STAU2: variants seen among roughly 807,000 people sequenced by gnomAD.
STAU2 encodes staufen double-stranded RNA binding protein 2.
In STAU2, 20 loss-of-function variants were observed where a neutral mutation model predicts 65.9. The ratio of observed to expected loss-of-function variants is 0.30; its 90% CI spans 0.21 to 0.44. STAU2 has a LOEUF of 0.44. STAU2 is among the 20% of genes least tolerant of loss of function. STAU2 has a pLI of 1.00. For missense variants in STAU2, 558 were observed against 683.9 expected, an observed-to-expected ratio of 0.82 and a Z score of 2.05; for synonymous variants, 232 against 233.9, an observed-to-expected ratio of 0.99 and a Z score of 0.07.
At chr8:73,645,176 A>AT (rs1163044652) in intron 6 of STAU2, among the ~76,000 whole-genome samples, 1 of 152,202 alleles carries the variant, frequency 6.6e-6, no homozygotes, top group African/African-American at 2.4e-5. Context: ...CCATGACTAT[A>AT]GAGACAAAAA....
chr8:73,489,982 G>T (rs1256743164), intron 13 of STAU2, among the ~76,000 whole-genome samples: 1 of 152,014 alleles, frequency 6.6e-6, no homozygotes, highest in Admixed American at 6.6e-5. Flanking sequence ...AATCTTCTCA[G>T]AAAGACATCT....
chr8:73,583,944 CGGTCAAA>C (rs1291055669), intron 11 of STAU2, among the ~76,000 whole-genome samples: 2 of 152,012 alleles, frequency 1.3e-5, no homozygotes, highest in Non-Finnish European at 2.9e-5. Flanking sequence ...TTTATGTTAA[CGGTCAAA>C]GGTCAAATAG....
At chr8:73,432,999 T>C (rs1456657115) in intron 13 of STAU2, among the ~76,000 whole-genome samples, 1 of 152,138 alleles carries the variant, frequency 6.6e-6, no homozygotes, top group Non-Finnish European at 1.5e-5. Context: ...TGCCTTTATT[T>C]CTGCAGTCAA....
At chr8:73,615,817 G>T in intron 7 of STAU2, 35 bp from the exon 8 acceptor site, 1 of 1,485,528 alleles carries the variant, frequency 6.7e-7, no homozygotes, top group South Asian at 1.1e-5. Flanking sequence ...ACTGAATCTT[G>T]ACATTATAAC....
At chr8:73,435,469 G>T (rs1180665460) in intron 13 of STAU2, among the ~76,000 whole-genome samples, 1 of 151,894 alleles carries the variant, frequency 6.6e-6, no homozygotes, top group Admixed American at 6.5e-5. Context: ...TCTGTTCTCA[G>T]AGCCAGCATC....
intron 5 of STAU2, among the ~76,000 whole-genome samples, chr8:73,683,188 G>A (rs914771775): frequency 2.0e-5 from 3 of 152,108 alleles, no homozygotes; most frequent in African/African-American, 7.2e-5. Flanking sequence ...CAATATCCCT[G>A]ATGAACATAG....
chr8:73,620,692 A>C (rs1015532234), intron 6 of STAU2, among the ~76,000 whole-genome samples: 1 of 152,224 alleles, frequency 6.6e-6, no homozygotes, highest in African/African-American at 2.4e-5. Flanking sequence ...AGGAAAAATT[A>C]AGTATGTTGC....
At chr8:73,550,795 T>C (rs1378867423) in intron 13 of STAU2, 1 of 987,254 alleles carries the variant, frequency 1.0e-6, no homozygotes, top group African/African-American at 1.7e-5. Flanking sequence ...AAGAGTCCAA[T>C]TAGAAACACT....
At chr8:73,557,199 A>G (rs900443596) in intron 12 of STAU2, among the ~76,000 whole-genome samples, 2 of 152,250 alleles carry the variant, frequency 1.3e-5, no homozygotes, top group African/African-American at 2.4e-5. Context: ...ATTACCTCAC[A>G]GCATAAGAAC....
At chr8:73,477,513 T>G (rs1324167215) in intron 13 of STAU2, among the ~76,000 whole-genome samples, 2 of 152,224 alleles carry the variant, frequency 1.3e-5, no homozygotes, top group Admixed American at 6.5e-5. Context: ...GTCACTTCTT[T>G]GAAAGCATTT....
At chr8:73,638,302 T>G (rs1043426970) in intron 6 of STAU2, among the ~76,000 whole-genome samples, 4 of 151,980 alleles carry the variant, frequency 2.6e-5, no homozygotes, top group Non-Finnish European at 5.9e-5. Flanking sequence ...AAATTTTCCT[T>G]GATCCAGCAT....
At chr8:73,619,613 GA>G (rs1813083068) in intron 6 of STAU2, among the ~76,000 whole-genome samples, 1 of 152,192 alleles carries the variant, frequency 6.6e-6, no homozygotes, top group African/African-American at 2.4e-5. Context: ...GATTGGTACT[GA>G]AGATGCAGAT....
intron 6 of STAU2, among the ~76,000 whole-genome samples, chr8:73,619,473 C>T (rs1377069970): frequency 1.6e-4 from 25 of 152,194 alleles, no homozygotes; most frequent in Non-Finnish European, 1.5e-5. Flanking sequence ...TAGATAATTA[C>T]TGCACATCCA....
intron 13 of STAU2, among the ~76,000 whole-genome samples, chr8:73,529,003 G>T (rs1001176841): frequency 2.6e-5 from 4 of 152,080 alleles, no homozygotes; most frequent in Non-Finnish European, 4.4e-5. Context: ...TTTCCCTGGA[G>T]GTAGGGAAAC....
chr8:73,604,535 C>A (rs915636033), intron 9 of STAU2, among the ~76,000 whole-genome samples: 1 of 152,040 alleles, frequency 6.6e-6, no homozygotes, highest in African/African-American at 2.4e-5. Context: ...CCGGCCACAA[C>A]ACACATAATT....
intron 12 of STAU2, among the ~76,000 whole-genome samples, chr8:73,552,894 C>T (rs550517045): frequency 6.2e-4 from 94 of 152,318 alleles, no homozygotes; most frequent in Admixed American, 2.3e-3. Flanking sequence ...CTGTCTCTAA[C>T]TTGCTTTGCT....
chr8:73,433,760 C>T (rs543709185), intron 13 of STAU2, among the ~76,000 whole-genome samples: 2 of 152,046 alleles, frequency 1.3e-5, no homozygotes, highest in South Asian at 4.1e-4. Flanking sequence ...GCCCCAGCCG[C>T]CCAAAGTGTT....
chr8:73,420,476 T>TC lies in STAU2; in HGVS notation c.*895dup, dbSNP rs1816315471. On this transcript the variant is annotated 3_prime_UTR_variant, in exon 15 of 15. Transcript: ENST00000524300. The stretch of plus-strand genomic sequence containing the variant: ...AAGCAACTCCAACAGGTTTTTCCCT[T>TC]CCCCGTCATGTACATTATTTATTTT... The TC allele has an allele frequency of 3.6e-6, 1 of 279,700 alleles. No homozygotes were observed. Among genetic ancestry groups the TC allele is most frequent in the African/African-American group, 2.2e-5 (1 of 45,946 alleles). 17.3% of individuals were successfully genotyped at this position (279,700 alleles called of 1,614,324 possible).
intron 9 of STAU2, 150 bp from the exon 10 acceptor site, chr8:73,604,013 A>C (rs533922458): frequency 1.1e-6 from 1 of 915,716 alleles, no homozygotes; most frequent in Admixed American, 3.2e-5. Flanking sequence ...TTTATAAAGG[A>C]AAATCATAAA....
Sources: gnomAD v4.1 joint callset for allele counts (sites outside exome capture counted in the v4.1 genomes callset) on GRCh38, gnomAD v4.1.1 for gene constraint, MANE v1.5 for transcripts, NCBI Gene and HGNC (gene_info 2026-07-23, HGNC 2026-07-21) for gene names.